Variants in CCDC88C observed in about 807,000 individuals in gnomAD.
The protein encoded by CCDC88C is coiled-coil and HOOK domain protein 88C.
CCDC88C carries 131 observed loss-of-function variants against 198.8 expected under a neutral mutation model. The ratio of observed to expected loss-of-function variants is 0.66; its 90% CI spans 0.57 to 0.76. The LOEUF is 0.76. CCDC88C is among the 30% of genes least tolerant of loss of function. CCDC88C has a pLI of 0.00. For missense variants in CCDC88C, 2,553 were observed against 2,631.6 expected (o/e 0.97, Z 0.65); for synonymous variants, 1,166 against 1,114.7 (o/e 1.05, Z -0.92).
At chr14:91,411,170 A>T (rs1401479808) in intron 2 of CCDC88C, among the ~76,000 whole-genome samples, 1 of 152,112 alleles carries the variant, frequency 6.6e-6, no homozygotes, top group Non-Finnish European at 1.5e-5. Context: ...ATCAAAACAA[A>T]AGCCTCAACT....
At chr14:91,416,925 G>A (rs909642130) in intron 1 of CCDC88C, 87 bp from the exon 2 acceptor site, 8 of 885,676 alleles carry the variant, frequency 9.0e-6, no homozygotes, top group Admixed American at 6.1e-5. Flanking sequence ...GAGACTGGAC[G>A]GGTCAGTGTG....
At chr14:91,335,330 T>C (rs1466459596) in intron 10 of CCDC88C, among the ~76,000 whole-genome samples, 1 of 152,126 alleles carries the variant, frequency 6.6e-6, no homozygotes, top group African/African-American at 2.4e-5. Flanking sequence ...ACACCTTCCA[T>C]GGCTGGGCCC....
chr14:91,344,634 C>A (rs1196697710), intron 4 of CCDC88C, among the ~76,000 whole-genome samples: 2 of 151,692 alleles, frequency 1.3e-5, no homozygotes, highest in African/African-American at 4.8e-5. Flanking sequence ...GCCTCAGCCT[C>A]CCGAGTAGCT....
intron 3 of CCDC88C, among the ~76,000 whole-genome samples, chr14:91,366,332 A>G (rs1894538434): frequency 6.6e-6 from 1 of 152,120 alleles, no homozygotes; most frequent in African/African-American, 2.4e-5. Context: ...CTAAAAATAC[A>G]AAAACTAGCC....
intron 4 of CCDC88C, among the ~76,000 whole-genome samples, chr14:91,350,229 C>T (rs982160775): frequency 1.3e-5 from 2 of 151,218 alleles, no homozygotes; most frequent in African/African-American, 4.9e-5. Flanking sequence ...GGCACAATTT[C>T]GGCTCACTGC....
At chr14:91,376,930 A>G (rs1270623145) in intron 3 of CCDC88C, among the ~76,000 whole-genome samples, 1 of 152,156 alleles carries the variant, frequency 6.6e-6, no homozygotes, top group African/African-American at 2.4e-5. Flanking sequence ...GGACATCGTG[A>G]AGAACTGCTC....
intron 3 of CCDC88C, among the ~76,000 whole-genome samples, chr14:91,395,309 A>G (rs1885778632): frequency 6.6e-6 from 1 of 152,096 alleles, no homozygotes; most frequent in Non-Finnish European, 1.5e-5. Context: ...TGGGACCCAG[A>G]GCTGTCGCTA....
rs1596007316 is a variant in CCDC88C at position 91,272,330 on chromosome 14, A to G, written c.*295T>C. On this transcript the variant is annotated 3_prime_UTR_variant, in exon 30 of 30. Coordinates refer to ENST00000389857, the MANE Select transcript of CCDC88C (RefSeq NM_001080414.4). ...ACTGGAGTAGTGTCTGCTTTGGGGG[A>G]AGTCAGTTTGTCATTGCATCCTAAT... 2.4e-6 allele frequency: 1 copy of G among 417,540 alleles called. No individual in the cohort carries two copies. Among genetic ancestry groups the G allele is most frequent in the Non-Finnish European group, 4.3e-6 (1 of 230,552 alleles). 25.9% of individuals were successfully genotyped at this position (417,540 alleles called of 1,614,324 possible).
chr14:91,295,893 T>C (rs1890981331), intron 22 of CCDC88C, among the ~76,000 whole-genome samples: 1 of 152,148 alleles, frequency 6.6e-6, no homozygotes, highest in Non-Finnish European at 1.5e-5. Context: ...TCTGATCCAA[T>C]CTGACTGATG....
In CCDC88C at chr14:91,273,632, C is replaced by T. The variant is rs193276761; in HGVS notation, c.5080G>A (p.Asp1694Asn). The change falls in exon 30 of 30, where the codon GAC becomes AAC. Residue 1694 changes from aspartate (D) to asparagine (N), a missense_variant. Coordinates refer to ENST00000389857, the MANE Select transcript of CCDC88C (RefSeq NM_001080414.4). This position sits in a 1 kb window ranked among gnomAD's most constrained non-coding sequence, Gnocchi z 5.6. ...TTTCGGAAGTAGTCACTCAGCAGGT[C>T]ATCCCGGCAACTGGGAGTGTCCTAC... is the stretch of plus-strand genomic sequence containing the variant. ...PTHDTPSCRD[D>N]LLSDYFRKAS... is the part of the protein sequence containing the mutation. 1.0e-4 allele frequency: 152 copies of T among 1,481,084 alleles called. 1 individual carries two copies. The highest frequency in any genetic ancestry group is 1.2e-4 in the Non-Finnish European group (139 of 1,114,494). The allele number at this position is 1,481,084 out of a possible 1,614,324, so 91.7% of individuals were successfully genotyped here.
chr14:91,346,754 C>T (rs1893560415), intron 4 of CCDC88C, among the ~76,000 whole-genome samples: 1 of 152,130 alleles, frequency 6.6e-6, no homozygotes, highest in Non-Finnish European at 1.5e-5. Context: ...CAAAAATTAG[C>T]TGGGCGTGGT....
chr14:91,344,390 A>T (rs1285800), intron 4 of CCDC88C, among the ~76,000 whole-genome samples: 1,903 of 152,212 alleles, frequency 0.013, 27 homozygotes, highest in East Asian at 0.021. Flanking sequence ...AACCTCCACA[A>T]TACACTCAGC....
chr14:91,394,520 A>AC (rs1885719767), intron 3 of CCDC88C, among the ~76,000 whole-genome samples: 1 of 152,228 alleles, frequency 6.6e-6, no homozygotes, highest in South Asian at 2.1e-4. Flanking sequence ...CTGGTGTGAC[A>AC]CCGTGCTCCC....
intron 10 of CCDC88C, among the ~76,000 whole-genome samples, chr14:91,328,757 C>T (rs1228236801): frequency 1.3e-5 from 2 of 152,184 alleles, no homozygotes; most frequent in African/African-American, 4.8e-5. Flanking sequence ...TGAAATACTC[C>T]ATGCGCAGCG....
chr14:91,398,872 C>T (rs1040836915), intron 3 of CCDC88C, among the ~76,000 whole-genome samples: 9 of 152,256 alleles, frequency 5.9e-5, no homozygotes, highest in Admixed American at 5.9e-4. Context: ...AGGTCTGCTG[C>T]AGAGCATGGC....
At position 91,314,240 on chromosome 14, in the gene CCDC88C, C is replaced by T; in HGVS notation, c.1666-90G>A. 3.8e-6 allele frequency: 4 copies of T among 1,050,514 alleles called. No individual in the cohort carries two copies. The Admixed American group carries it at 6.8e-5, about 18-fold the overall frequency. The allele number at this position is 1,050,514 out of a possible 1,614,324, so 65.1% of individuals were successfully genotyped here. ...CACACTGGGGATGGGAGAGAGAAGG[C>T]CTTGAACGGCTGTCCTACCTGTGCT... On this transcript the variant is annotated intron_variant, in intron 14 of 29. Coordinates refer to ENST00000389857, the MANE Select transcript of CCDC88C (RefSeq NM_001080414.4).
chr14:91,312,158 G>A (rs2139801499), intron 15 of CCDC88C, among the ~76,000 whole-genome samples: 1 of 152,278 alleles, frequency 6.6e-6, no homozygotes, highest in Middle Eastern at 3.4e-3. Context: ...GGAGCCTGAG[G>A]CAGATGGATC....
At chr14:91,308,096 G>GT (rs1891638683) in intron 17 of CCDC88C, among the ~76,000 whole-genome samples, 1 of 152,202 alleles carries the variant, frequency 6.6e-6, no homozygotes, top group African/African-American at 2.4e-5. Context: ...GGGTGTTCCC[G>GT]TATCTTGCCT....
chr14:91,322,458 GACACACACATAA>G (rs1307308212), intron 12 of CCDC88C, among the ~76,000 whole-genome samples: 3 of 151,506 alleles, frequency 2.0e-5, no homozygotes, highest in Non-Finnish European at 2.9e-5. Flanking sequence ...GCCCAGCACT[GACACACACATAA>G]ACACACACAC....
Sources: gnomAD v4.1 joint callset for allele counts (sites outside exome capture counted in the v4.1 genomes callset) on GRCh38, gnomAD v4.1.1 for gene constraint, Gnocchi (gnomAD v3.1) non-coding constraint, MANE v1.5 for transcripts, NCBI Gene and HGNC (gene_info 2026-07-23, HGNC 2026-07-21) for gene names.